The following GLE1 variants were observed in gnomAD, a reference collection of about 807,000 sequenced individuals.
GLE1 encodes mRNA export factor GLE1.
GLE1 carries 78 observed loss-of-function variants against 97.3 expected under a neutral mutation model. The ratio of observed to expected loss-of-function variants is 0.80; its 90% confidence interval spans 0.67 to 0.97. The LOEUF (loss-of-function observed/expected upper bound fraction) is 0.97, where lower values mean the gene tolerates loss of function less well. Ranked by LOEUF, GLE1 falls within the 50% of genes least tolerant of loss-of-function variation. GLE1 has a pLI of 0.00. For missense variants in GLE1, 753 were observed against 857.5 expected, an observed-to-expected ratio of 0.88 and a Z score of 1.52; for synonymous variants, 302 against 313.4, an observed-to-expected ratio of 0.96 and a Z score of 0.39.
At position 128,538,106 on chromosome 9, in the gene GLE1, A is replaced by T; in HGVS notation, c.1881+16A>T. ...CTTCCTGGAGGTACGTAACTCAGTT[A>T]TCACACAAGAGAAGGCCAGTGGTTG... On this transcript the variant is annotated intron_variant, in intron 13 of 15. Coordinates refer to ENST00000309971, the MANE Select transcript of GLE1 (RefSeq NM_001003722.2). The T allele has an allele frequency of 1.5e-6, 2 of 1,377,754 alleles. No homozygotes were observed. Among genetic ancestry groups the T allele is most frequent in the East Asian group, 2.3e-5 (1 of 43,826 alleles). The allele number at this position is 1,377,754 out of a possible 1,614,324, so 85.3% of individuals were successfully genotyped here.
At chr9:128,507,973 A>T (rs897347537) in intron 1 of GLE1, among the ~76,000 whole-genome samples, 3 of 152,158 alleles carry the variant, frequency 2.0e-5, no homozygotes, top group Admixed American at 6.5e-5. Context: ...TGAGGTCAGG[A>T]GTTCGAGACC....
At chr9:128,530,844 G>C (rs964567494) in intron 9 of GLE1, among the ~76,000 whole-genome samples, 1 of 148,446 alleles carries the variant, frequency 6.7e-6, no homozygotes, top group South Asian at 2.1e-4. Context: ...GGGAGGCGGA[G>C]CTTGCAGTGC....
chr9:128,506,111 C>T (rs1190899213), intron 1 of GLE1, among the ~76,000 whole-genome samples: 1 of 152,034 alleles, frequency 6.6e-6, no homozygotes, highest in African/African-American at 2.4e-5. Context: ...GTTGGGAGGC[C>T]GAGGGGGACG....
intron 2 of GLE1, among the ~76,000 whole-genome samples, chr9:128,514,017 C>CAAAAAA (rs35379717): frequency 5.2e-5 from 5 of 95,708 alleles, no homozygotes; most frequent in Non-Finnish European, 6.8e-5. Context: ...GACTCCATCT[C>CAAAAAA]AAAAAAAAAA....
chr9:128,516,699 A>G (rs991392725), intron 3 of GLE1, among the ~76,000 whole-genome samples: 7 of 151,108 alleles, frequency 4.6e-5, no homozygotes, highest in African/African-American at 1.5e-4. Flanking sequence ...ATCTTGGCTC[A>G]CTGCAACCTC....
At chr9:128,508,818 G>GA in intron 1 of GLE1, 58 bp from the exon 2 acceptor site, 1 of 974,368 alleles carries the variant, frequency 1.0e-6, no homozygotes, top group South Asian at 1.3e-5. Flanking sequence ...GGCATGTAGT[G>GA]GATTATACTG....
intron 9 of GLE1, among the ~76,000 whole-genome samples, chr9:128,533,105 G>T (rs576613183): frequency 6.6e-5 from 10 of 152,202 alleles, no homozygotes; most frequent in African/African-American, 2.4e-4. Context: ...GCACAGCTGG[G>T]TTTTTGTAGA....
Position 128,540,278 on chromosome 9 carries a change from T to G in GLE1, c.1968T>G (p.Ile656Met). ...ILIKEDYFPR[I>M]EAITSSGQMG... is the part of the protein sequence containing the mutation. ...ATGTGTCTTTCTCTCCCTGTAGAAT[T>G]GAAGCTATCACAAGCTCAGGACAGA... Residue 656 changes from isoleucine (I) to methionine (M), a missense_variant, in exon 15 of 16, where the codon ATT becomes ATG. Transcript: ENST00000309971. 1 of 1,599,842 alleles carries G rather than the reference T, an allele frequency of 6.3e-7. No homozygotes were observed. The highest frequency in any genetic ancestry group is 8.6e-7 in the Non-Finnish European group (1 of 1,167,078).
chr9:128,509,208 G>A, intron 2 of GLE1, 111 bp downstream of exon 2: 1 of 732,430 alleles, frequency 1.4e-6, no homozygotes. Flanking sequence ...ATTGCTCATT[G>A]TTGTAGCTGT....
intron 13 of GLE1, 68 bp downstream of exon 13, chr9:128,538,158 T>C (rs1351655259): frequency 2.4e-6 from 2 of 822,280 alleles, no homozygotes; most frequent in East Asian, 4.9e-5. Context: ...CTGGGTGACA[T>C]GAATGGGGAA....
chr9:128,516,397 G>A (rs1019991657), intron 3 of GLE1, among the ~76,000 whole-genome samples: 22 of 152,080 alleles, frequency 1.4e-4, no homozygotes, highest in African/African-American at 4.3e-4. Flanking sequence ...TCGGCTCACC[G>A]CAAGCTCCGC....
At chr9:128,511,230 GTAAA>G (rs987843780) in intron 2 of GLE1, among the ~76,000 whole-genome samples, 3 of 149,306 alleles carry the variant, frequency 2.0e-5, no homozygotes, top group African/African-American at 7.3e-5. Flanking sequence ...TAGAGACTGA[GTAAA>G]TAATAACAAC....
intron 3 of GLE1, among the ~76,000 whole-genome samples, chr9:128,521,182 C>T (rs912303132): frequency 6.6e-6 from 1 of 151,956 alleles, no homozygotes; most frequent in Non-Finnish European, 1.5e-5. Flanking sequence ...TAACAGAGTC[C>T]CAGAGGAGAG....
At chr9:128,540,490 T>A (rs1008639149) in intron 15 of GLE1, 152 bp downstream of exon 15, 1 of 684,806 alleles carries the variant, frequency 1.5e-6, no homozygotes, top group Non-Finnish European at 2.7e-6. Flanking sequence ...CTCTTAACCT[T>A]TGGAGTAAGG....
intron 11 of GLE1, among the ~76,000 whole-genome samples, chr9:128,534,864 GC>G (rs1388017375): frequency 6.6e-6 from 1 of 151,640 alleles, no homozygotes; most frequent in East Asian, 1.9e-4. Context: ...GACTACAGGC[GC>G]CCACCACCAC....
chr9:128,513,397 C>T (rs1846880878), intron 2 of GLE1, among the ~76,000 whole-genome samples: 2 of 151,946 alleles, frequency 1.3e-5, no homozygotes, highest in Admixed American at 1.3e-4. Flanking sequence ...CAGATAGCTT[C>T]ATCAGAAAAG....
chr9:128,522,636 A>G (rs773349220), intron 3 of GLE1, 32 bp from the exon 4 acceptor site: 1 of 2,180 alleles, frequency 4.6e-4, no homozygotes, highest in South Asian at 5.9e-3. Context: ...ATTCCATCTT[A>G]AAAAAAAAAA....
chr9:128,529,540 C>T (rs1438819265), intron 9 of GLE1, among the ~76,000 whole-genome samples: 1 of 152,122 alleles, frequency 6.6e-6, no homozygotes, highest in Non-Finnish European at 1.5e-5. Context: ...ATGAGTCTCC[C>T]TTGATCCTAT....
At chr9:128,524,072 C>CTTTTTTTTTTTTTT (rs67466089) in intron 6 of GLE1, among the ~76,000 whole-genome samples, 2 of 69,954 alleles carry the variant, frequency 2.9e-5, no homozygotes, top group African/African-American at 7.3e-5. Context: ...ATTCTGGAGT[C>CTTTTTTTTTTTTTT]TTTTTTTTTT....
Sources: gnomAD v4.1 joint callset for allele counts (sites outside exome capture counted in the v4.1 genomes callset) on GRCh38, gnomAD v4.1.1 for gene constraint, MANE v1.5 for transcripts, NCBI Gene and HGNC (gene_info 2026-07-23, HGNC 2026-07-21) for gene names.